The following CCKBR variants were observed in gnomAD, a reference collection of about 807,000 sequenced individuals.
CCKBR encodes the protein gastrin/cholecystokinin type B receptor.
A neutral mutation model predicts 34.6 loss-of-function variants in CCKBR; 33 were observed. That is an observed-to-expected ratio of 0.95 (90% CI 0.72 to 1.27). The LOEUF is 1.27. Among genes scored for constraint, CCKBR ranks in the 50% most tolerant of loss-of-function variants. CCKBR has a pLI of 0.00. For synonymous variants in CCKBR, 269 were observed against 267.5 expected, an observed-to-expected ratio of 1.01 and a Z score of -0.06; for missense variants, 652 against 617.4, an observed-to-expected ratio of 1.06 and a Z score of -0.59.
chr11:6,260,544 G>A (rs1447324156), intron 1 of CCKBR, among the ~76,000 whole-genome samples: 5 of 152,190 alleles, frequency 3.3e-5, no homozygotes, highest in African/African-American at 9.7e-5. Context: ...GCTTGAATGC[G>A]AAGCTGAAGT....
chr11:6,266,612 A>C lies in CCKBR; in HGVS notation c.152-3057A>C, dbSNP rs140504739. Among the ~76,000 whole-genome samples, 553 of 152,314 alleles carry C rather than the reference A, an allele frequency of 3.6e-3. 3 individuals are homozygous for C. Among genetic ancestry groups the C allele is most frequent in the African/African-American group, 0.011 (469 of 41,574 alleles). On this transcript the variant is annotated intron_variant, in intron 1 of 4. Coordinates refer to ENST00000334619, the MANE Select transcript of CCKBR (RefSeq NM_176875.4). ...ATTAGGGATCAGGGACTTGGCTTCT[A>C]TTCTGATTCAGCCCCTTATCAGGTG... is the stretch of plus-strand genomic sequence containing the variant.
Position 6,271,009 on chromosome 11 carries a change from A to G in CCKBR, c.812-2A>G. ...CTCTGACCGCCCACCCTTTGTGCTC[A>G]GGGGCTGTTCACCAGAACGGGCGTT... is the stretch of plus-strand genomic sequence containing the variant. On this transcript the variant is annotated splice_acceptor_variant, in intron 4 of 4. Coordinates refer to ENST00000334619, the MANE Select transcript of CCKBR (RefSeq NM_176875.4). LOFTEE classifies it high-confidence loss of function. 1.2e-6 allele frequency: 2 copies of G among 1,614,134 alleles called. No homozygotes were observed. The highest frequency in any genetic ancestry group is 1.7e-6 in the Non-Finnish European group (2 of 1,180,000).
intron 1 of CCKBR, 32 bp from the exon 2 acceptor site, chr11:6,269,637 C>T (rs1247791051): frequency 1.2e-6 from 2 of 1,605,292 alleles, no homozygotes; most frequent in Non-Finnish European, 1.7e-6. Flanking sequence ...AAGGCTGACC[C>T]CCTACTGCCA....
Position 6,271,789 on chromosome 11 carries a change from G to A in CCKBR, c.*246G>A, listed in dbSNP as rs959541054. Reference sequence around the variant, plus strand: ...ATAGAAACATGACACTGACCTTGGAGAGACACAGCGTCCCTAGCAGTGAAC... The same window carrying A: ...ATAGAAACATGACACTGACCTTGGAAAGACACAGCGTCCCTAGCAGTGAAC... On this transcript the variant is annotated 3_prime_UTR_variant, in exon 5 of 5. Coordinates refer to ENST00000334619, the MANE Select transcript of CCKBR (RefSeq NM_176875.4). The A allele has an allele frequency of 2.6e-5, 13 of 497,084 alleles. No homozygotes were observed. The highest frequency in any genetic ancestry group is 3.9e-5 in the Non-Finnish European group (11 of 282,460). 30.8% of individuals were successfully genotyped at this position (497,084 alleles called of 1,614,324 possible).
intron 1 of CCKBR, among the ~76,000 whole-genome samples, chr11:6,265,761 G>T (rs1287044847): frequency 6.6e-6 from 1 of 152,098 alleles, no homozygotes; most frequent in Non-Finnish European, 1.5e-5. Flanking sequence ...AGCTTCTAAA[G>T]GAAATATAGA....
At position 6,260,061 on chromosome 11, in the gene CCKBR, C is replaced by T. The variant is rs141076634; in HGVS notation, c.133C>T (p.Arg45Cys). 482 of 1,594,034 alleles carry T rather than the reference C, an allele frequency of 3.0e-4. No individual in the cohort carries two copies. The African/African-American group carries it at 4.8e-3, about 16-fold the overall frequency. ...CCTCAGCTGCGAGCCCCCTCGCATT[C>T]GCGGAGCCGGGACACGAGGTGGGTG... ...GNLSCEPPRI[R>C]GAGTRELELA... Residue 45 changes from arginine to cysteine, a missense_variant, in exon 1 of 5, where the codon CGC becomes TGC. Coordinates refer to ENST00000334619, the MANE Select transcript of CCKBR (RefSeq NM_176875.4).
At chr11:6,261,969 T>A in intron 1 of CCKBR, among the ~76,000 whole-genome samples, 1 of 152,102 alleles carries the variant, frequency 6.6e-6, no homozygotes, top group African/African-American at 2.4e-5. Flanking sequence ...AATCAACAGA[T>A]TAGAAGCAGA....
At position 6,270,120 on chromosome 11, in the gene CCKBR, G is replaced by T. The variant is rs201465636; in HGVS notation, c.436G>T (p.Val146Leu). ...TGTGAGTGTGTCCACGCTAAGCCTCGTGGCCATCGCACTGGAGCGGTACAG... is the reference window on the plus strand; with the variant it reads ...TGTGAGTGTGTCCACGCTAAGCCTCTTGGCCATCGCACTGGAGCGGTACAG... ...VSVSVSTLSL[V>L]AIALERYSAI... Residue 146 changes from valine (V) to leucine (L), a missense_variant, in exon 3 of 5, where the codon GTG (valine) becomes TTG (leucine). Coordinates refer to ENST00000334619, the MANE Select transcript of CCKBR (RefSeq NM_176875.4). 1 of 1,610,684 alleles carries T rather than the reference G, an allele frequency of 6.2e-7. No individual in the cohort carries two copies. Among genetic ancestry groups the T allele is most frequent in the African/African-American group, 1.3e-5 (1 of 74,864 alleles).
chr11:6,271,391 C>A lies in CCKBR; in HGVS notation c.1192C>A (p.Arg398Ser). The A allele has an allele frequency of 6.2e-7, 1 of 1,614,076 alleles. No individual in the cohort carries two copies. The highest frequency in any genetic ancestry group is 8.5e-7 in the Non-Finnish European group (1 of 1,180,028). The change falls in exon 5 of 5, where the codon CGC becomes AGC. Residue 398 changes from arginine (R) to serine (S), a missense_variant. By Grantham distance (110) the Arg-to-Ser change is moderately radical. Coordinates refer to ENST00000334619, the MANE Select transcript of CCKBR (RefSeq NM_176875.4). The stretch of plus-strand genomic sequence containing the variant: ...CTACTGCTTCATGCACCGTCGCTTT[C>A]GCCAGGCCTGCCTGGAAACTTGCGC... Reference protein sequence around the residue: ...LVYCFMHRRFRQACLETCARC... With the variant: ...LVYCFMHRRFSQACLETCARC...
rs1848288224 is a variant in CCKBR at position 6,270,710 on chromosome 11, C to T, written c.718C>T (p.Leu240Phe). ...PGVVMAVAYG[L>F]ISRELYLGLR... ...TGTGGTTATGGCCGTGGCCTACGGG[C>T]TTATCTCTCGCGAGCTCTACTTAGG... The change falls in exon 4 of 5, where the codon CTT becomes TTT. Residue 240 changes from leucine to phenylalanine, a missense_variant. Coordinates refer to ENST00000334619, the MANE Select transcript of CCKBR (RefSeq NM_176875.4). 1 of 1,614,072 alleles carries T rather than the reference C, an allele frequency of 6.2e-7. No homozygotes were observed. The highest frequency in any genetic ancestry group is 1.7e-5 in the Admixed American group (1 of 60,008).
At chr11:6,260,115 T>A in intron 1 of CCKBR, 36 bp downstream of exon 1, 1 of 1,531,738 alleles carries the variant, frequency 6.5e-7, no homozygotes, top group Non-Finnish European at 8.8e-7. Context: ...ACAAGCTATT[T>A]CTCACTGTAC....
rs769402407 is a variant in CCKBR at position 6,270,607 on chromosome 11, T to C, written c.654-39T>C. 30 of 1,557,084 alleles carry C rather than the reference T, an allele frequency of 1.9e-5. No individual in the cohort carries two copies. In the Admixed American group the frequency reaches 4.4e-4, roughly 23 times the overall value. On this transcript the variant is annotated intron_variant, in intron 3 of 4. Coordinates refer to ENST00000334619, the MANE Select transcript of CCKBR (RefSeq NM_176875.4). Reference sequence around the variant, plus strand: ...CTTTTTCTCCATCTGTGATTACAGCTGGACAGAAACCCGAGTGATCTGTCT... The same window carrying C: ...CTTTTTCTCCATCTGTGATTACAGCCGGACAGAAACCCGAGTGATCTGTCT...
At chr11:6,270,014 G>A (rs1479551214) in intron 2 of CCKBR, 74 bp from the exon 3 acceptor site, 1 of 1,590,062 alleles carries the variant, frequency 6.3e-7, no homozygotes, top group Non-Finnish European at 8.6e-7. Flanking sequence ...AGGGAGGGGT[G>A]TGAGGAAGTC....
In CCKBR at chr11:6,271,420, C is replaced by T; in HGVS notation, c.1221C>T (p.Arg407=). 1 of 1,613,850 alleles carries T rather than the reference C, an allele frequency of 6.2e-7. No individual in the cohort carries two copies. The highest frequency in any genetic ancestry group is 8.5e-7 in the Non-Finnish European group (1 of 1,180,038). ...AGGCCTGCCTGGAAACTTGCGCTCG[C>T]TGCTGCCCCCGGCCTCCACGAGCTC... ...FRQACLETCA[R]CCPRPPRARP... Residue 407 remains arginine, a synonymous_variant, in exon 5 of 5, where the codon CGC becomes CGT. Coordinates refer to ENST00000334619, the MANE Select transcript of CCKBR (RefSeq NM_176875.4).
At chr11:6,261,462 T>TATATACACACACACAC (rs764173521) in intron 1 of CCKBR, among the ~76,000 whole-genome samples, 16 of 63,990 alleles carry the variant, frequency 2.5e-4, no homozygotes, top group Admixed American at 5.1e-4. Flanking sequence ...AAAATATATA[T>TATATACACACACACAC]ACACACACAC....
At chr11:6,260,152 A>G (rs1262654567) in intron 1 of CCKBR, 73 bp downstream of exon 1, 57 of 1,028,334 alleles carry the variant, frequency 5.5e-5, no homozygotes, top group Non-Finnish European at 7.6e-5. Flanking sequence ...AGTCCCCCCA[A>G]CGAGCTCCAC....
At position 6,271,074 on chromosome 11, in the gene CCKBR, G is replaced by C; in HGVS notation, c.875G>C (p.Gly292Ala). 6.2e-7 allele frequency: 1 copy of C among 1,614,180 alleles called. No homozygotes were observed. The highest frequency in any genetic ancestry group is 8.5e-7 in the Non-Finnish European group (1 of 1,180,038). The change falls in exon 5 of 5, where the codon GGC becomes GCC. Residue 292 changes from glycine (G) to alanine (A), a missense_variant. Gly to Ala is a moderately conservative substitution (Grantham distance 60). Coordinates refer to ENST00000334619, the MANE Select transcript of CCKBR (RefSeq NM_176875.4). Reference sequence around the variant, plus strand: ...GGCGCGGTTGGCGAAGACAGCGATGGCTGCTACGTGCAACTTCCACGTTCC... The same window carrying C: ...GGCGCGGTTGGCGAAGACAGCGATGCCTGCTACGTGCAACTTCCACGTTCC... ...ETGAVGEDSD[G>A]CYVQLPRSRP... is the part of the protein sequence containing the mutation.
chr11:6,270,305 T>C lies in CCKBR; in HGVS notation c.621T>C (p.His207=), dbSNP rs1805003. The change falls in exon 3 of 5, where the codon CAT becomes CAC. Residue 207 remains histidine (H), a synonymous_variant. Transcript: ENST00000334619. ...PVGPRVLQCV[H]RWPSARVRQT... Reference sequence around the variant, plus strand: ...GGCCTCGTGTGCTGCAGTGCGTGCATCGCTGGCCCAGTGCGCGGGTCCGCC... The same window carrying C: ...GGCCTCGTGTGCTGCAGTGCGTGCACCGCTGGCCCAGTGCGCGGGTCCGCC... The C allele has an allele frequency of 8.9e-4, 1,440 of 1,613,270 alleles. 20 individuals carry two copies. The East Asian group carries it at 0.029, about 32-fold the overall frequency.
rs150185688 is a variant in CCKBR, at chr11:6,262,946, C to T, written c.151+2867C>T. On this transcript the variant is annotated intron_variant, in intron 1 of 4. Transcript: ENST00000334619. ...GATTCCCTGTGAAAGCGGGATGTGA[C>T]GCAATTCAGAGCACAGGTGCAAAAA... Among the ~76,000 whole-genome samples, 628 of 152,266 alleles carry T rather than the reference C, an allele frequency of 4.1e-3. 3 individuals carry two copies. Among genetic ancestry groups the T allele is most frequent in the African/African-American group, 0.014 (587 of 41,540 alleles).
Sources: allele counts gnomAD v4.1 joint callset (sites outside exome capture counted in the v4.1 genomes callset), GRCh38; gene constraint gnomAD v4.1.1; transcripts MANE v1.5; gene names NCBI Gene and HGNC (gene_info 2026-07-23, HGNC 2026-07-21).